The following XYLT1 variants were observed in gnomAD, a reference collection of about 807,000 sequenced individuals.
The protein encoded by XYLT1 is xylosyltransferase 1.
XYLT1 carries 36 observed loss-of-function variants against 91.3 expected under a neutral mutation model. The observed-to-expected ratio is 0.39, with a 90% confidence interval of 0.30 to 0.52. XYLT1 has a LOEUF of 0.52. Among genes scored for constraint, XYLT1 ranks in the 20% least tolerant of loss-of-function variants. The pLI, the probability that XYLT1 is intolerant of heterozygous loss-of-function variation, is 0.68. For missense variants in XYLT1, 1,242 were observed against 1,284.5 expected, an observed-to-expected ratio of 0.97 and a Z score of 0.51; for synonymous variants, 588 against 532.0, an observed-to-expected ratio of 1.11 and a Z score of -1.45.
chr16:17,138,284 C>G, intron 8 of XYLT1, 71 bp downstream of exon 8: 2 of 1,563,518 alleles, frequency 1.3e-6, no homozygotes, highest in Non-Finnish European at 1.7e-6. Flanking sequence ...GCAGGTCTGG[C>G]CTTGGATTTC....
At chr16:17,242,889 ATT>A (rs1346611058) in intron 3 of XYLT1, among the ~76,000 whole-genome samples, 2 of 152,198 alleles carry the variant, frequency 1.3e-5, no homozygotes, top group Non-Finnish European at 2.9e-5. Flanking sequence ...TGACTGGCTT[ATT>A]TCACTTAGCG....
chr16:17,236,294 G>A (rs1012200532), intron 3 of XYLT1, among the ~76,000 whole-genome samples: 2 of 152,204 alleles, frequency 1.3e-5, no homozygotes, highest in Non-Finnish European at 2.9e-5. Flanking sequence ...TCCATGCTAA[G>A]AGTGAAAGTG....
chr16:17,226,877 G>C (rs1056445710), intron 3 of XYLT1: 2 of 152,216 alleles, frequency 1.3e-5, no homozygotes, highest in African/African-American at 4.8e-5. Context: ...GTGTGGCCTT[G>C]AGCAAATGAC....
At chr16:17,152,044 T>C (rs1264106381) in intron 6 of XYLT1, among the ~76,000 whole-genome samples, 1 of 152,236 alleles carries the variant, frequency 6.6e-6, no homozygotes, top group East Asian at 1.9e-4. Context: ...CCACATTTCA[T>C]GTATTTTTGA....
At chr16:17,418,180 CAGT>C (rs1818783557) in intron 1 of XYLT1, among the ~76,000 whole-genome samples, 1 of 152,192 alleles carries the variant, frequency 6.6e-6, no homozygotes, top group Admixed American at 6.5e-5. Flanking sequence ...TGTTACACAG[CAGT>C]AGATGATCAG....
At chr16:17,171,559 C>G (rs1388756757) in intron 5 of XYLT1, among the ~76,000 whole-genome samples, 1 of 152,248 alleles carries the variant, frequency 6.6e-6, no homozygotes, top group African/African-American at 2.4e-5. Flanking sequence ...TCTCAGAGGG[C>G]TGATGAGAAA....
chr16:17,368,791 C>T (rs1227663211), intron 1 of XYLT1, among the ~76,000 whole-genome samples: 2 of 151,930 alleles, frequency 1.3e-5, no homozygotes, highest in African/African-American at 2.4e-5. Context: ...CCTATGTTGC[C>T]CAGGCTGGTC....
intron 1 of XYLT1, among the ~76,000 whole-genome samples, chr16:17,450,880 C>T (rs557131461): frequency 6.6e-6 from 1 of 152,264 alleles, no homozygotes; most frequent in South Asian, 2.1e-4. Context: ...AAATCAAACA[C>T]CTTAGGACAG....
At chr16:17,374,871 G>C (rs1285525438) in intron 1 of XYLT1, among the ~76,000 whole-genome samples, 2 of 152,024 alleles carry the variant, frequency 1.3e-5, no homozygotes, top group African/African-American at 4.8e-5. Flanking sequence ...ACTACTTCTG[G>C]CATGTTTCCA....
At chr16:17,276,390 GCC>G (rs2033974953) in intron 2 of XYLT1, among the ~76,000 whole-genome samples, 1 of 152,182 alleles carries the variant, frequency 6.6e-6, no homozygotes, top group South Asian at 2.1e-4. Flanking sequence ...CGATTGGAAG[GCC>G]ACAGGAATCA....
At chr16:17,458,954 G>A (rs1363512944) in intron 1 of XYLT1, among the ~76,000 whole-genome samples, 1 of 152,090 alleles carries the variant, frequency 6.6e-6, no homozygotes, top group Non-Finnish European at 1.5e-5. Context: ...TCAGTGCTAT[G>A]ATTCCTGGTC....
At chr16:17,283,499 G>A (rs754579758) in intron 2 of XYLT1, among the ~76,000 whole-genome samples, 18 of 152,088 alleles carry the variant, frequency 1.2e-4, no homozygotes, top group Non-Finnish European at 2.2e-4. Flanking sequence ...CACACTCCTC[G>A]CCTGCCATGA....
intron 5 of XYLT1, among the ~76,000 whole-genome samples, chr16:17,164,506 T>TAC (rs917986026): frequency 2.6e-5 from 4 of 152,196 alleles, no homozygotes; most frequent in Admixed American, 2.6e-4. Context: ...TGACACTCTC[T>TAC]ACCTGTTAAA....
At chr16:17,465,562 G>T (rs1469137) in intron 1 of XYLT1, among the ~76,000 whole-genome samples, 2 of 135,810 alleles carry the variant, frequency 1.5e-5, no homozygotes, top group African/African-American at 2.7e-5. Context: ...TTTTTGGGGG[G>T]GGGGGGGGTG....
chr16:17,354,345 G>A (rs1310516263), intron 2 of XYLT1, among the ~76,000 whole-genome samples: 1 of 152,176 alleles, frequency 6.6e-6, no homozygotes, highest in African/African-American at 2.4e-5. Context: ...TAATGGTAAA[G>A]AGCATTAGAG....
chr16:17,173,450 C>T lies in XYLT1; in HGVS notation c.1290-14541G>A, dbSNP rs114027080. ...CTCTATGCATTAAGAGCATACTAGT[C>T]ACATACCATCCTTGCTAGAATCAAG... On this transcript the variant is annotated intron_variant, in intron 5 of 11. Coordinates refer to ENST00000261381, the MANE Select transcript of XYLT1 (RefSeq NM_022166.4). 2.6e-3 allele frequency among the ~76,000 whole-genome samples: 398 copies of T among 152,380 alleles called. 2 individuals are homozygous for T. Among genetic ancestry groups the T allele is most frequent in the African/African-American group, 9.3e-3 (388 of 41,590 alleles).
At chr16:17,463,088 T>C (rs2036843204) in intron 1 of XYLT1, among the ~76,000 whole-genome samples, 1 of 151,916 alleles carries the variant, frequency 6.6e-6, no homozygotes. Flanking sequence ...TCAAAATAGA[T>C]TAAAGACTTA....
chr16:17,358,548 C>T (rs8058918), intron 1 of XYLT1, among the ~76,000 whole-genome samples: 4,688 of 152,136 alleles, frequency 0.031, 221 homozygotes, highest in African/African-American at 0.11. Context: ...ACAGCTTGGC[C>T]CAGTCTGCAG....
At position 17,102,283 on chromosome 16, in the gene XYLT1, G is replaced by A. The variant is rs73526119; in HGVS notation, c.*6412C>T. The A allele has an allele frequency of 7.9e-5, 12 of 152,732 alleles. No individual in the cohort carries two copies. The highest frequency in any genetic ancestry group is 2.6e-4 in the African/African-American group (11 of 41,580). 9.5% of individuals were successfully genotyped at this position (152,732 alleles called of 1,614,324 possible). ...AGAAGAGAATATGAGATTGTGTAAAGATGCACAATGTTGCTGAAAAGAAGC... is the reference window on the plus strand; with the variant it reads ...AGAAGAGAATATGAGATTGTGTAAAAATGCACAATGTTGCTGAAAAGAAGC... On this transcript the variant is annotated 3_prime_UTR_variant, in exon 12 of 12. Coordinates refer to ENST00000261381, the MANE Select transcript of XYLT1 (RefSeq NM_022166.4).
Sources: gnomAD v4.1 joint callset for allele counts (sites outside exome capture counted in the v4.1 genomes callset) on GRCh38, gnomAD v4.1.1 for gene constraint, MANE v1.5 for transcripts, NCBI Gene and HGNC (gene_info 2026-07-23, HGNC 2026-07-21) for gene names.